Variants in DNM3 observed in about 807,000 individuals in gnomAD.
DNM3 encodes dynamin-3.
DNM3 carries 47 observed loss-of-function variants against 101.6 expected under a neutral mutation model. The observed-to-expected ratio is 0.46, with a 90% confidence interval of 0.37 to 0.59. DNM3 has a LOEUF of 0.59. Among genes scored for constraint, DNM3 ranks in the 20% least tolerant of loss-of-function variants. The probability of loss-of-function intolerance (pLI) is 0.00; values close to 1 mark genes in which losing one functional copy is unlikely to be tolerated. For synonymous variants in DNM3, 385 were observed against 387.9 expected (o/e 0.99, Z 0.09); for missense variants, 849 against 1,085.7 (o/e 0.78, Z 3.06).
intron 16 of DNM3, among the ~76,000 whole-genome samples, chr1:172,318,023 A>G (rs899749541): frequency 6.6e-6 from 1 of 152,224 alleles, no homozygotes; most frequent in Non-Finnish European, 1.5e-5. Context: ...GCAGCACATC[A>G]AAAAGCTTAT....
At chr1:172,053,444 C>T (rs1018143411) in intron 10 of DNM3, among the ~76,000 whole-genome samples, 1 of 152,026 alleles carries the variant, frequency 6.6e-6, no homozygotes, top group East Asian at 1.9e-4. Flanking sequence ...TCTGTTGATA[C>T]CCTATGTGTA....
At chr1:172,227,271 GAT>G (rs140087796) in intron 14 of DNM3, among the ~76,000 whole-genome samples, 1,988 of 77,920 alleles carry the variant, frequency 0.026, 48 homozygotes, top group South Asian at 0.13. Context: ...AGTATTTTGT[GAT>G]ATATATATAT....
At chr1:172,033,026 C>T in intron 5 of DNM3, 79 bp from the exon 6 acceptor site, 2 of 1,519,248 alleles carry the variant, frequency 1.3e-6, no homozygotes, top group Non-Finnish European at 1.8e-6. Context: ...CTTACTCTGC[C>T]TATGTGAGAG....
intron 15 of DNM3, among the ~76,000 whole-genome samples, chr1:172,277,543 T>C (rs1237903494): frequency 2.6e-5 from 4 of 151,994 alleles, no homozygotes; most frequent in African/African-American, 9.7e-5. Context: ...CAAGTAGACA[T>C]CATCAAGAAT....
chr1:172,395,419 C>A (rs1034013085), intron 20 of DNM3, among the ~76,000 whole-genome samples: 1 of 152,160 alleles, frequency 6.6e-6, no homozygotes, highest in African/African-American at 2.4e-5. Flanking sequence ...GATCCACCCA[C>A]CACAGCCTCC....
At chr1:172,288,637 G>T (rs532897623) in intron 15 of DNM3, among the ~76,000 whole-genome samples, 1 of 152,278 alleles carries the variant, frequency 6.6e-6, no homozygotes, top group South Asian at 2.1e-4. Flanking sequence ...GCTATTAACT[G>T]GCTACGTTGA....
At chr1:172,276,609 C>T (rs1418448892) in intron 15 of DNM3, among the ~76,000 whole-genome samples, 1 of 126,918 alleles carries the variant, frequency 7.9e-6, no homozygotes, top group Non-Finnish European at 1.7e-5. Flanking sequence ...TCCAGCTGGC[C>T]TTATTGAGTG....
intron 1 of DNM3, among the ~76,000 whole-genome samples, chr1:171,861,968 C>G (rs1426175695): frequency 1.3e-5 from 2 of 152,010 alleles, no homozygotes; most frequent in East Asian, 3.8e-4. Flanking sequence ...AGCTAATATG[C>G]ACATAGAAAG....
chr1:172,120,021 A>G (rs2056204960), intron 13 of DNM3, among the ~76,000 whole-genome samples: 1 of 152,204 alleles, frequency 6.6e-6, no homozygotes. Context: ...ATCACCCTGT[A>G]TCCTTTTTCC....
At chr1:171,907,972 T>A (rs995091753) in intron 1 of DNM3, among the ~76,000 whole-genome samples, 6 of 152,244 alleles carry the variant, frequency 3.9e-5, no homozygotes, top group African/African-American at 1.4e-4. Context: ...TGTTTTCTAA[T>A]CGTTGACTGT....
chr1:172,117,083 T>C (rs2055956797), intron 13 of DNM3, among the ~76,000 whole-genome samples: 1 of 151,880 alleles, frequency 6.6e-6, no homozygotes, highest in African/African-American at 2.4e-5. Flanking sequence ...TGCATGCTTG[T>C]AATCCCAGCT....
At chr1:172,118,246 A>G (rs564137431) in intron 13 of DNM3, among the ~76,000 whole-genome samples, 4 of 152,318 alleles carry the variant, frequency 2.6e-5, no homozygotes, top group Admixed American at 2.6e-4. Context: ...AGGATTGGCT[A>G]CTAACACTTA....
chr1:171,945,312 A>G lies in DNM3; in HGVS notation c.235+23491A>G, dbSNP rs1397707809. ...TCATTTAAGAGACTATTGTATAGAT[A>G]ATATATAGCACAGTTATATAAATGC... On this transcript the variant is annotated intron_variant, in intron 2 of 20. Transcript: ENST00000627582. Among the ~76,000 whole-genome samples the G allele has an allele frequency of 3.3e-5, 5 of 152,188 alleles. 1 individual carries two copies. Among genetic ancestry groups the G allele is most frequent in the Admixed American group, 2.6e-4 (4 of 15,276 alleles).
At chr1:172,002,954 G>T (rs1415064167) in intron 4 of DNM3, among the ~76,000 whole-genome samples, 1 of 152,042 alleles carries the variant, frequency 6.6e-6, no homozygotes, top group Non-Finnish European at 1.5e-5. Context: ...CTGTAAAGAC[G>T]CTGCTTGAAG....
chr1:172,281,280 T>C (rs979570600), intron 15 of DNM3, among the ~76,000 whole-genome samples: 2 of 152,018 alleles, frequency 1.3e-5, no homozygotes, highest in Non-Finnish European at 1.5e-5. Flanking sequence ...ACTGAGGAGA[T>C]TGCTGAAATG....
chr1:172,133,042 A>G (rs2057025506), intron 14 of DNM3: 1 of 1,483,960 alleles, frequency 6.7e-7, no homozygotes, highest in Non-Finnish European at 8.9e-7. Context: ...GAGTTGTCCA[A>G]GCCAACCTCA....
chr1:172,203,760 T>A (rs926889881), intron 14 of DNM3, among the ~76,000 whole-genome samples: 6 of 152,190 alleles, frequency 3.9e-5, no homozygotes, highest in African/African-American at 1.4e-4. Context: ...TCTATATGGG[T>A]TGGTACCAGA....
At chr1:171,868,969 G>C (rs1192921743) in intron 1 of DNM3, among the ~76,000 whole-genome samples, 1 of 152,134 alleles carries the variant, frequency 6.6e-6, no homozygotes, top group African/African-American at 2.4e-5. Flanking sequence ...TTTTAGTAGA[G>C]ACAGGGTTTC....
At chr1:171,855,034 A>T (rs1213244760) in intron 1 of DNM3, among the ~76,000 whole-genome samples, 2 of 151,676 alleles carry the variant, frequency 1.3e-5, no homozygotes, top group African/African-American at 4.8e-5. Context: ...CCCTTCTCCC[A>T]CCCTTCACCC....
Sources: allele counts gnomAD v4.1 joint callset (sites outside exome capture counted in the v4.1 genomes callset), GRCh38; gene constraint gnomAD v4.1.1; transcripts MANE v1.5; gene names NCBI Gene and HGNC (gene_info 2026-07-23, HGNC 2026-07-21).